The following FMN2 variants were observed in gnomAD, a reference collection of about 807,000 sequenced individuals.
FMN2 encodes formin-2.
FMN2 carries 51 observed loss-of-function variants against 142.3 expected under a neutral mutation model. That is an observed-to-expected ratio of 0.36 (90% CI 0.29 to 0.45). The LOEUF is 0.45. Among genes scored for constraint, FMN2 ranks in the 20% least tolerant of loss-of-function variants. The probability of loss-of-function intolerance (pLI) is 1.00; values close to 1 mark genes in which losing one functional copy is unlikely to be tolerated. For missense variants in FMN2, 1,936 were observed against 2,122.8 expected (o/e 0.91, Z 1.73); for synonymous variants, 882 against 869.8 (o/e 1.01, Z -0.25).
At chr1:240,335,703 C>G (rs778608556) in intron 13 of FMN2, among the ~76,000 whole-genome samples, 5 of 152,124 alleles carry the variant, frequency 3.3e-5, no homozygotes, top group African/African-American at 1.2e-4. Flanking sequence ...TGCATCACTT[C>G]GGAATGTGAT....
rs373957332 is a variant in FMN2, at chr1:240,440,187, A to ACCCTCC, written c.5060+1979_5060+1984dup. Among the ~76,000 whole-genome samples the ACCCTCC allele has an allele frequency of 2.3e-3, 353 of 152,182 alleles. 5 individuals are homozygous for ACCCTCC. Among genetic ancestry groups the ACCCTCC allele is most frequent in the African/African-American group, 7.8e-3 (323 of 41,510 alleles). ...GAGGTCCCAGGCCAGGATGCTGGAC[A>ACCCTCC]CCCTCCCTGTCGCTTTCTTCTGCTA... is the stretch of plus-strand genomic sequence containing the variant. On this transcript the variant is annotated intron_variant, in intron 16 of 17. Coordinates refer to ENST00000319653, the MANE Select transcript of FMN2 (RefSeq NM_020066.5).
At chr1:240,351,976 A>G (rs1377985829) in intron 13 of FMN2, among the ~76,000 whole-genome samples, 1 of 152,238 alleles carries the variant, frequency 6.6e-6, no homozygotes. Context: ...TCTACTTTTT[A>G]ACTTAAAAAT....
Position 240,422,591 on chromosome 1 carries a change from C to T in FMN2, c.4911-15470C>T, listed in dbSNP as rs1674810342. Among the ~76,000 whole-genome samples the T allele has an allele frequency of 2.0e-5, 3 of 152,120 alleles. No homozygotes were observed. In the South Asian group the frequency reaches 6.2e-4, roughly 31 times the overall value. ...AAAGCAGTTGAGTTTTGTATATTGA[C>T]TTGTGTCCTGCAACCTTGCTATATT... On this transcript the variant is annotated intron_variant, in intron 15 of 17. Coordinates refer to ENST00000319653, the MANE Select transcript of FMN2 (RefSeq NM_020066.5).
At chr1:240,209,044 A>G (rs1666570705) in intron 5 of FMN2, among the ~76,000 whole-genome samples, 1 of 152,096 alleles carries the variant, frequency 6.6e-6, no homozygotes, top group Admixed American at 6.6e-5. Flanking sequence ...ATGCTCTGTT[A>G]TCTAGTTGTA....
intron 2 of FMN2, among the ~76,000 whole-genome samples, chr1:240,153,562 A>G (rs1663878072): frequency 6.6e-6 from 1 of 151,782 alleles, no homozygotes; most frequent in Admixed American, 6.6e-5. Context: ...ACGAGGTCTC[A>G]CTATGTTGTC....
chr1:240,410,154 A>G (rs902722158), intron 15 of FMN2, among the ~76,000 whole-genome samples: 1 of 77,198 alleles, frequency 1.3e-5, no homozygotes, highest in African/African-American at 4.7e-5. Flanking sequence ...ATAACAGTAC[A>G]TAAATCTGAA....
At chr1:240,110,829 T>A (rs1042602351) in intron 1 of FMN2, among the ~76,000 whole-genome samples, 1 of 152,054 alleles carries the variant, frequency 6.6e-6, no homozygotes, top group Non-Finnish European at 1.5e-5. Context: ...TTAAAAAAAA[T>A]TGAGGCTAGG....
At chr1:240,164,170 A>G (rs530083313) in intron 2 of FMN2, among the ~76,000 whole-genome samples, 9 of 152,322 alleles carry the variant, frequency 5.9e-5, no homozygotes, top group Non-Finnish European at 1.5e-5. Flanking sequence ...AAGTGCTGAG[A>G]TTACAGACCT....
chr1:240,352,986 G>A (rs974229051), intron 13 of FMN2, among the ~76,000 whole-genome samples: 8 of 152,138 alleles, frequency 5.3e-5, no homozygotes, highest in South Asian at 2.1e-4. Context: ...GGCAGGTTAC[G>A]TCACTGTAGG....
chr1:240,147,159 ACATGATCTCTTCAATTAG>A (rs1663522879), intron 2 of FMN2, among the ~76,000 whole-genome samples: 1 of 152,220 alleles, frequency 6.6e-6, no homozygotes. Context: ...TAAGTACTTA[ACATGATCTCTTCAATTAG>A]TTGGTCTTAA....
chr1:240,121,685 G>A (rs1387492055), intron 1 of FMN2, among the ~76,000 whole-genome samples: 1 of 136,812 alleles, frequency 7.3e-6, no homozygotes, highest in Non-Finnish European at 1.5e-5. Flanking sequence ...CACCGCGCCT[G>A]GCCCAGTGTC....
intron 2 of FMN2, among the ~76,000 whole-genome samples, chr1:240,157,804 T>A (rs184820893): frequency 7.7e-4 from 117 of 152,004 alleles, no homozygotes; most frequent in Non-Finnish European, 1.6e-3. Context: ...ATACTTTTTT[T>A]AAAAAAATGA....
intron 1 of FMN2, among the ~76,000 whole-genome samples, chr1:240,098,501 G>A (rs1282270185): frequency 6.6e-6 from 1 of 152,094 alleles, no homozygotes; most frequent in African/African-American, 2.4e-5. Context: ...TTCCAGCAGA[G>A]CCCCTGACAG....
chr1:240,149,107 A>T (rs1663654601), intron 2 of FMN2, among the ~76,000 whole-genome samples: 1 of 152,184 alleles, frequency 6.6e-6, no homozygotes, highest in Non-Finnish European at 1.5e-5. Context: ...TGTGCTTTTG[A>T]AATACAAGGG....
intron 13 of FMN2, chr1:240,341,289 A>T (rs906022340): frequency 1.3e-5 from 2 of 152,046 alleles, no homozygotes; most frequent in African/African-American, 2.4e-5. Flanking sequence ...AGTCCTTTTC[A>T]GCTGTTGTTT....
chr1:240,392,416 T>A, intron 14 of FMN2, 95 bp from the exon 15 acceptor site: 1 of 936,230 alleles, frequency 1.1e-6, no homozygotes, highest in African/African-American at 1.6e-5. Flanking sequence ...GAATTAATAA[T>A]TAAAATAAGT....
intron 6 of FMN2, among the ~76,000 whole-genome samples, chr1:240,223,371 C>T (rs1442063556): frequency 6.6e-6 from 1 of 152,106 alleles, no homozygotes; most frequent in African/African-American, 2.4e-5. Flanking sequence ...TGATTTGCTG[C>T]TGGATTCGGT....
At chr1:240,266,827 A>T (rs1213766124) in intron 7 of FMN2, among the ~76,000 whole-genome samples, 1 of 152,048 alleles carries the variant, frequency 6.6e-6, no homozygotes, top group Non-Finnish European at 1.5e-5. Context: ...CAATAAAATC[A>T]ATAAAAATAA....
chr1:240,219,284 G>C (rs530920185), intron 6 of FMN2, among the ~76,000 whole-genome samples: 1 of 152,136 alleles, frequency 6.6e-6, no homozygotes, highest in Non-Finnish European at 1.5e-5. Context: ...TTGGTGTCAC[G>C]GTATGAAACA....
Sources: allele counts gnomAD v4.1 joint callset (sites outside exome capture counted in the v4.1 genomes callset), GRCh38; gene constraint gnomAD v4.1.1; transcripts MANE v1.5; gene names NCBI Gene and HGNC (gene_info 2026-07-23, HGNC 2026-07-21).